Variants in PLGRKT observed in about 807,000 individuals in gnomAD.
PLGRKT encodes plasminogen receptor (KT).
Under a neutral mutation model 18.5 loss-of-function variants are expected in PLGRKT, and 22 were observed. The observed-to-expected ratio is 1.19, with a 90% CI of 0.85 to 1.70. The LOEUF is 1.70. PLGRKT is among the 40% of genes most tolerant of loss of function. PLGRKT has a pLI of 0.00. For missense variants in PLGRKT, 235 were observed against 174.4 expected (o/e 1.35, Z -1.96); for synonymous variants, 72 against 52.8 (o/e 1.36, Z -1.58).
intron 3 of PLGRKT, among the ~76,000 whole-genome samples, chr9:5,405,225 A>G (rs942179468): frequency 6.6e-6 from 1 of 152,204 alleles, no homozygotes; most frequent in African/African-American, 2.4e-5. Context: ...TTAAATTACC[A>G]TTGACATTCT....
At chr9:5,362,105 T>A (rs1292093801) in intron 3 of PLGRKT, among the ~76,000 whole-genome samples, 3 of 152,198 alleles carry the variant, frequency 2.0e-5, no homozygotes, top group Admixed American at 1.3e-4. Flanking sequence ...AGAATAAATA[T>A]CAATATTCCA....
At chr9:5,409,607 C>G (rs1479893264) in intron 3 of PLGRKT, among the ~76,000 whole-genome samples, 1 of 152,224 alleles carries the variant, frequency 6.6e-6, no homozygotes, top group Non-Finnish European at 1.5e-5. Flanking sequence ...CACAGACACT[C>G]AACACCAGCC....
At chr9:5,393,473 C>A (rs1045334609) in intron 3 of PLGRKT, among the ~76,000 whole-genome samples, 1 of 151,832 alleles carries the variant, frequency 6.6e-6, no homozygotes, top group Non-Finnish European at 1.5e-5. Context: ...ACAGTAATTT[C>A]TTGTTACTAT....
intron 3 of PLGRKT, among the ~76,000 whole-genome samples, chr9:5,424,698 A>ATATATATATATATATATATATATATAC (rs554487361): frequency 2.3e-4 from 17 of 75,388 alleles, no homozygotes; most frequent in African/African-American, 7.4e-4. Flanking sequence ...ATATACACAC[A>ATATATATATATATATATATATATATAC]GGGGGGGGAG....
At chr9:5,365,552 G>C (rs1817367174) in intron 3 of PLGRKT, among the ~76,000 whole-genome samples, 1 of 152,126 alleles carries the variant, frequency 6.6e-6, no homozygotes. Flanking sequence ...AGTATGAAAG[G>C]GCAGCGTGAG....
intron 3 of PLGRKT, among the ~76,000 whole-genome samples, chr9:5,391,848 G>A (rs1817954957): frequency 6.6e-6 from 1 of 152,024 alleles, no homozygotes; most frequent in Middle Eastern, 3.4e-3. Context: ...AATGTTGGCT[G>A]GGAAAGCCCT....
At position 5,358,033 on chromosome 9, in the gene PLGRKT, A is replaced by G. The variant is rs1817176585; in HGVS notation, c.*206T>C. On this transcript the variant is annotated 3_prime_UTR_variant, in exon 6 of 6. Coordinates refer to ENST00000223864, the MANE Select transcript of PLGRKT (RefSeq NM_018465.4). ...AGATATTGGTAATGCACACAGAGAG[A>G]GGAAATCTAAAAGTTATTTAGAGCA... 1 of 423,238 alleles carries G rather than the reference A, an allele frequency of 2.4e-6. No individual in the cohort carries two copies. The highest frequency in any genetic ancestry group is 3.8e-5 in the Admixed American group (1 of 26,078). The allele number at this position is 423,238 out of a possible 1,614,324, so 26.2% of individuals were successfully genotyped here.
chr9:5,434,383 G>C (rs1818913806), intron 2 of PLGRKT, among the ~76,000 whole-genome samples: 1 of 145,150 alleles, frequency 6.9e-6, no homozygotes, highest in African/African-American at 2.6e-5. Flanking sequence ...CATTTGGGAG[G>C]TGAGGGGCGT....
chr9:5,381,378 G>C (rs554309572), intron 3 of PLGRKT, among the ~76,000 whole-genome samples: 10 of 152,216 alleles, frequency 6.6e-5, no homozygotes, highest in Non-Finnish European at 1.0e-4. Flanking sequence ...TCCAGCTGTG[G>C]CTAAAAAGGG....
intron 2 of PLGRKT, among the ~76,000 whole-genome samples, chr9:5,432,552 T>C (rs2131178944): frequency 6.6e-6 from 1 of 151,072 alleles, no homozygotes; most frequent in South Asian, 2.2e-4. Context: ...GCCTGGACTG[T>C]ACCGCCATGA....
intron 5 of PLGRKT, 121 bp from the exon 6 acceptor site, chr9:5,358,481 C>T (rs1274943977): frequency 8.4e-6 from 6 of 714,320 alleles, no homozygotes; most frequent in Non-Finnish European, 1.4e-5. Flanking sequence ...CCCAATCTCA[C>T]ACTTAAACAT....
chr9:5,405,176 T>TACTGCCCAA (rs1818232060), intron 3 of PLGRKT, among the ~76,000 whole-genome samples: 1 of 152,120 alleles, frequency 6.6e-6, no homozygotes, highest in Non-Finnish European at 1.5e-5. Flanking sequence ...AAAATGGCCA[T>TACTGCCCAA]ACTGCCCAAA....
chr9:5,424,354 C>T (rs10815219), intron 3 of PLGRKT, among the ~76,000 whole-genome samples: 31,709 of 130,166 alleles, frequency 0.24, 3,989 homozygotes, highest in Non-Finnish European at 0.27. Flanking sequence ...TCATTAATAA[C>T]ATATAATACA....
intron 3 of PLGRKT, among the ~76,000 whole-genome samples, chr9:5,395,884 A>G (rs1313736483): frequency 1.5e-5 from 2 of 134,728 alleles, no homozygotes; most frequent in Non-Finnish European, 3.0e-5. Context: ...CCTCTAACCT[A>G]ACAGTTTTTT....
chr9:5,403,751 T>G (rs772253399), intron 3 of PLGRKT, among the ~76,000 whole-genome samples: 1 of 152,220 alleles, frequency 6.6e-6, no homozygotes, highest in East Asian at 1.9e-4. Context: ...AACAAAATGG[T>G]GTGCTTATTA....
In PLGRKT at chr9:5,361,892, A is replaced by G; in HGVS notation, c.82-4T>C. 2 of 1,610,794 alleles carry G rather than the reference A, an allele frequency of 1.2e-6. No individual in the cohort carries two copies. Among genetic ancestry groups the G allele is most frequent in the Non-Finnish European group, 1.7e-6 (2 of 1,178,984 alleles). On this transcript the variant is annotated splice_region_variant and splice_polypyrimidine_tract_variant and intron_variant, in intron 3 of 5. Coordinates refer to ENST00000223864, the MANE Select transcript of PLGRKT (RefSeq NM_018465.4). ...GCATGATGAGCTGCCTTTCCAGCTA[A>G]GGACAAAACAAAAGACAAAGTAAAG... is the stretch of plus-strand genomic sequence containing the variant.
chr9:5,385,350 C>T (rs1292430883), intron 3 of PLGRKT, among the ~76,000 whole-genome samples: 4 of 151,812 alleles, frequency 2.6e-5, no homozygotes, highest in East Asian at 1.9e-4. Flanking sequence ...CTTTTATCCA[C>T]CACACCTGGC....
intron 3 of PLGRKT, among the ~76,000 whole-genome samples, chr9:5,397,595 A>G (rs1818076781): frequency 6.6e-6 from 1 of 151,838 alleles, no homozygotes; most frequent in South Asian, 2.1e-4. Context: ...GGGGAAAGAA[A>G]CAGGGAAAAG....
chr9:5,413,850 G>A (rs1448038554), intron 3 of PLGRKT, among the ~76,000 whole-genome samples: 1 of 152,168 alleles, frequency 6.6e-6, no homozygotes, highest in African/African-American at 2.4e-5. Context: ...AAAATTCTAT[G>A]CAACCATTTT....
Sources: allele counts gnomAD v4.1 joint callset (sites outside exome capture counted in the v4.1 genomes callset), GRCh38; gene constraint gnomAD v4.1.1; transcripts MANE v1.5; gene names NCBI Gene and HGNC (gene_info 2026-07-23, HGNC 2026-07-21).